Variants in ZNF395 observed in about 807,000 individuals in gnomAD.
ZNF395 encodes zinc finger protein 395.
A neutral mutation model predicts 57.7 loss-of-function variants in ZNF395; 20 were observed. That is an observed-to-expected ratio of 0.35 (90% CI 0.24 to 0.50). The LOEUF (loss-of-function observed/expected upper bound fraction) is 0.50, where lower values mean the gene tolerates loss of function less well. ZNF395 is among the 20% of genes least tolerant of loss of function. The pLI, the probability that ZNF395 is intolerant of heterozygous loss-of-function variation, is 0.97. For synonymous variants in ZNF395, 295 were observed against 275.9 expected (o/e 1.07, Z -0.69); for missense variants, 606 against 671.2 (o/e 0.90, Z 1.07).
At chr8:28,349,628 GCTTA>G (rs756782796) in intron 8 of ZNF395, among the ~76,000 whole-genome samples, 2 of 152,190 alleles carry the variant, frequency 1.3e-5, no homozygotes, top group East Asian at 3.8e-4. Flanking sequence ...ATGACTTCCC[GCTTA>G]CTTGAGTTGG....
chr8:28,376,891 TC>T (rs1802048926), intron 1 of ZNF395, among the ~76,000 whole-genome samples: 1 of 152,196 alleles, frequency 6.6e-6, no homozygotes, highest in Non-Finnish European at 1.5e-5. Context: ...AATTGCTTCA[TC>T]CCATATAAAA....
At chr8:28,349,969 A>G in intron 8 of ZNF395, 95 bp downstream of exon 8, 1 of 1,170,334 alleles carries the variant, frequency 8.5e-7, no homozygotes, top group Non-Finnish European at 1.2e-6. Context: ...ACCTGTGGCC[A>G]CGTGCCCCGT....
chr8:28,369,765 G>C (rs917091234), intron 1 of ZNF395, among the ~76,000 whole-genome samples: 36 of 152,224 alleles, frequency 2.4e-4, no homozygotes, highest in Non-Finnish European at 5.9e-5. Context: ...GGACTCACCG[G>C]AACCCCCGGG....
chr8:28,378,459 T>C (rs1443693446), intron 1 of ZNF395, among the ~76,000 whole-genome samples: 1 of 152,168 alleles, frequency 6.6e-6, no homozygotes, highest in African/African-American at 2.4e-5. Context: ...CAAGCCAGTC[T>C]TGAATTCCTG....
chr8:28,352,066 T>A lies in ZNF395; in HGVS notation c.921-259A>T, dbSNP rs1256351961. ...CCAACCTCTCCTCTGGCAGGAGGCA[T>A]CCCACACTGAGCACGACCACGAGCC... is the stretch of plus-strand genomic sequence containing the variant. On this transcript the variant is annotated intron_variant, in intron 6 of 9. Transcript: ENST00000344423. This position sits in a 1 kb window ranked among gnomAD's most constrained non-coding sequence, Gnocchi z 4.0. Among the ~76,000 whole-genome samples the A allele has an allele frequency of 2.0e-5, 3 of 152,184 alleles. No individual in the cohort carries two copies. The highest frequency in any genetic ancestry group is 2.9e-5 in the Non-Finnish European group (2 of 68,026).
intron 1 of ZNF395, among the ~76,000 whole-genome samples, chr8:28,361,837 A>G (rs1801853548): frequency 6.6e-6 from 1 of 152,170 alleles, no homozygotes; most frequent in Non-Finnish European, 1.5e-5. Context: ...CATGCCTGTA[A>G]TCCCAACACT....
intron 1 of ZNF395, among the ~76,000 whole-genome samples, chr8:28,381,035 G>GTGTC (rs1456138574): frequency 6.6e-6 from 1 of 150,802 alleles, no homozygotes; most frequent in Non-Finnish European, 1.5e-5. Context: ...GTGTGTGTGT[G>GTGTC]TGTGTGTGTG....
chr8:28,373,776 C>T (rs778243051), intron 1 of ZNF395, among the ~76,000 whole-genome samples: 1 of 152,168 alleles, frequency 6.6e-6, no homozygotes, highest in African/African-American at 2.4e-5. Context: ...ATGGTATGTG[C>T]GACCTGTGAG....
Position 28,352,741 on chromosome 8 carries a change from T to C in ZNF395, c.820-68A>G, listed in dbSNP as rs1244340473. 5 of 1,429,962 alleles carry C rather than the reference T, an allele frequency of 3.5e-6. No individual in the cohort carries two copies. The East Asian group carries it at 6.8e-5, about 20-fold the overall frequency. 88.6% of individuals were successfully genotyped at this position (1,429,962 alleles called of 1,614,324 possible). On this transcript the variant is annotated intron_variant, in intron 5 of 9. Transcript: ENST00000344423. The surrounding 1 kb of genome is among the most constrained non-coding windows in gnomAD (Gnocchi z 4.0). ...TTATCCCTCGCTCAACCTTACCCAG[T>C]GGGGACTCAAACTGGCTGCTGTCCC...
chr8:28,351,521 G>T lies in ZNF395; in HGVS notation c.1207C>A (p.His403Asn). The change falls in exon 7 of 10, where the codon CAC becomes AAC. Residue 403 changes from histidine (H) to asparagine (N), a missense_variant. This residue lies in a region of ZNF395 where 261 missense variants were observed against 240.3 expected (regional missense o/e 1.09). Coordinates refer to ENST00000344423, the MANE Select transcript of ZNF395 (RefSeq NM_018660.3). The stretch of plus-strand genomic sequence containing the variant: ...TGGTATGCATGATCTGCCTGAATGT[G>T]CCAGAAGGACCCAGGAGCTGACTTG... ...LSKSAPGSFWHIQADHAYQAL... is the reference protein window; with the variant it reads ...LSKSAPGSFWNIQADHAYQAL... The T allele has an allele frequency of 1.2e-6, 2 of 1,611,202 alleles. No homozygotes were observed. Among genetic ancestry groups the T allele is most frequent in the African/African-American group, 1.3e-5 (1 of 74,954 alleles).
chr8:28,353,412 G>C lies in ZNF395; in HGVS notation c.584-4C>G. On this transcript the variant is annotated splice_polypyrimidine_tract_variant and splice_region_variant and intron_variant, in intron 4 of 9. Coordinates refer to ENST00000344423, the MANE Select transcript of ZNF395 (RefSeq NM_018660.3). ...GGGTCGCAGGCCGCACGGGAAGCTG[G>C]CCAGATGAAGAAAAGATGAGAGGAC... 1 of 1,512,024 alleles carries C rather than the reference G, an allele frequency of 6.6e-7. No homozygotes were observed. Among genetic ancestry groups the C allele is most frequent in the Non-Finnish European group, 8.9e-7 (1 of 1,129,174 alleles). 93.7% of individuals were successfully genotyped at this position (1,512,024 alleles called of 1,614,324 possible).
chr8:28,353,346 T>C lies in ZNF395; in HGVS notation c.646A>G (p.Thr216Ala), dbSNP rs1801741777. The stretch of plus-strand genomic sequence containing the variant: ...CTCCCACTCCAGTGACCGCTGGTAG[T>C]GCTGCTGCCGCTGTCCGAGATGTCA... ...SGDISDSGSS[T>A]TSGHWSGSSG... Residue 216 changes from threonine (T) to alanine (A), a missense_variant, in exon 5 of 10, where the codon ACT becomes GCT. By Grantham distance (58) the Thr-to-Ala change is moderately conservative. Coordinates refer to ENST00000344423, the MANE Select transcript of ZNF395 (RefSeq NM_018660.3). 1 of 1,602,578 alleles carries C rather than the reference T, an allele frequency of 6.2e-7. No homozygotes were observed. Among genetic ancestry groups the C allele is most frequent in the South Asian group, 1.1e-5 (1 of 89,362 alleles).
At position 28,359,926 on chromosome 8, in the gene ZNF395, A is replaced by T; in HGVS notation, c.241-102T>A. The T allele has an allele frequency of 6.7e-7, 1 of 1,484,698 alleles. No homozygotes were observed. The highest frequency in any genetic ancestry group is 9.0e-7 in the Non-Finnish European group (1 of 1,111,812). The allele number at this position is 1,484,698 out of a possible 1,614,324, so 92.0% of individuals were successfully genotyped here. A position where few individuals can be genotyped will look rare whatever the true frequency, so the allele number is the denominator to read the frequency against. ...CAGGAGCCAGGATCTGCCTGCCACA[A>T]ACCATGTTCTCTGCCTCACTCATCT... On this transcript the variant is annotated intron_variant, in intron 2 of 9. Coordinates refer to ENST00000344423, the MANE Select transcript of ZNF395 (RefSeq NM_018660.3). The surrounding 1 kb of genome is among the most constrained non-coding windows in gnomAD (Gnocchi z 4.7).
chr8:28,351,234 C>CA (rs1801678365), intron 7 of ZNF395, among the ~76,000 whole-genome samples: 1 of 152,238 alleles, frequency 6.6e-6, no homozygotes, highest in African/African-American at 2.4e-5. Flanking sequence ...ACAATTCCCC[C>CA]ACCCAAATCC....
intron 6 of ZNF395, 37 bp from the exon 7 acceptor site, chr8:28,351,844 C>A: frequency 6.6e-7 from 1 of 1,511,216 alleles, no homozygotes; most frequent in South Asian, 1.3e-5. Context: ...TCAGGGGCAC[C>A]CTGCCCCCTT....
intron 1 of ZNF395, among the ~76,000 whole-genome samples, chr8:28,370,079 A>G (rs1362622657): frequency 6.6e-6 from 1 of 152,258 alleles, no homozygotes; most frequent in Non-Finnish European, 1.5e-5. Context: ...GCAATCTGAC[A>G]CTGAAGCCTG....
chr8:28,352,715 C>T lies in ZNF395; in HGVS notation c.820-42G>A, dbSNP rs1563336663. Reference sequence around the variant, plus strand: ...CAGGGTGAGTGGATATGTCTTTCTCCTTATCCCTCGCTCAACCTTACCCAG... The same window carrying T: ...CAGGGTGAGTGGATATGTCTTTCTCTTTATCCCTCGCTCAACCTTACCCAG... On this transcript the variant is annotated intron_variant, in intron 5 of 9. Coordinates refer to ENST00000344423, the MANE Select transcript of ZNF395 (RefSeq NM_018660.3). The surrounding 1 kb of genome is among the most constrained non-coding windows in gnomAD (Gnocchi z 4.0). The T allele has an allele frequency of 6.4e-7, 1 of 1,560,438 alleles. No individual in the cohort carries two copies. Among genetic ancestry groups the T allele is most frequent in the Non-Finnish European group, 8.8e-7 (1 of 1,132,064 alleles).
At chr8:28,364,653 C>CAAAAAA (rs1221074238) in intron 1 of ZNF395, among the ~76,000 whole-genome samples, 1 of 44,114 alleles carries the variant, frequency 2.3e-5, no homozygotes. Context: ...GACTCCGTCT[C>CAAAAAA]AAAAAAAAAA....
At position 28,352,269 on chromosome 8, in the gene ZNF395, T is replaced by A. The variant is rs1801725415; in HGVS notation, c.920+304A>T. Among the ~76,000 whole-genome samples the A allele has an allele frequency of 6.6e-6, 1 of 152,136 alleles. No individual in the cohort carries two copies. Among genetic ancestry groups the A allele is most frequent in the South Asian group, 2.1e-4 (1 of 4,826 alleles). On this transcript the variant is annotated intron_variant, in intron 6 of 9. Transcript: ENST00000344423. This position sits in a 1 kb window ranked among gnomAD's most constrained non-coding sequence, Gnocchi z 4.0. ...TGGTGCAGTGCTTGGCCACTAAACA[T>A]CTTGGAAACGGGGTCTCACCAGCAA...
Sources: allele counts gnomAD v4.1 joint callset (sites outside exome capture counted in the v4.1 genomes callset), GRCh38; gene constraint gnomAD v4.1.1; regional missense constraint gnomAD v4.1.1; non-coding constraint Gnocchi (gnomAD v3.1); transcripts MANE v1.5; gene names NCBI Gene and HGNC (gene_info 2026-07-23, HGNC 2026-07-21).